Variants in EPHA4 observed in about 807,000 individuals in gnomAD.
EPHA4 encodes the protein EPH receptor A4, also known as ephrin type-A receptor 4.
In EPHA4, 19 loss-of-function variants were observed where a neutral mutation model predicts 108.3. That is an observed-to-expected ratio of 0.18 (90% CI 0.12 to 0.26). The LOEUF is 0.26. Among genes scored for constraint, EPHA4 ranks in the 10% least tolerant of loss-of-function variants. The pLI is 1.00. For missense variants in EPHA4, 917 were observed against 1,254.0 expected (o/e 0.73, Z 4.06); for synonymous variants, 449 against 455.5 (o/e 0.99, Z 0.18).
At chr2:221,509,773 T>C (rs1692769992) in intron 3 of EPHA4, among the ~76,000 whole-genome samples, 2 of 152,092 alleles carry the variant, frequency 1.3e-5, no homozygotes. Flanking sequence ...TACAAACAAA[T>C]CAAAGGTGAT....
chr2:221,448,132 G>T (rs560941862), intron 8 of EPHA4, among the ~76,000 whole-genome samples: 1 of 151,716 alleles, frequency 6.6e-6, no homozygotes. Context: ...ATGAACCACC[G>T]CACCCAGCCA....
At chr2:221,513,982 G>A (rs894730691) in intron 3 of EPHA4, among the ~76,000 whole-genome samples, 2 of 152,066 alleles carry the variant, frequency 1.3e-5, no homozygotes, top group Non-Finnish European at 2.9e-5. Flanking sequence ...AAAGATGAGA[G>A]CCCCAAAAGC....
intron 8 of EPHA4, among the ~76,000 whole-genome samples, chr2:221,446,898 G>T (rs1690610201): frequency 6.6e-6 from 1 of 152,200 alleles, no homozygotes; most frequent in Non-Finnish European, 1.5e-5. Flanking sequence ...GTAAAATGGT[G>T]CATTGTCTTA....
At chr2:221,503,238 TG>T (rs1483403145) in intron 3 of EPHA4, among the ~76,000 whole-genome samples, 1 of 152,194 alleles carries the variant, frequency 6.6e-6, no homozygotes, top group Non-Finnish European at 1.5e-5. Context: ...TGCAGAAAAC[TG>T]CATATTACTG....
intron 3 of EPHA4, among the ~76,000 whole-genome samples, chr2:221,530,115 A>C (rs1250376316): frequency 2.0e-5 from 3 of 152,168 alleles, no homozygotes; most frequent in African/African-American, 7.2e-5. Context: ...ATTTGAAAAA[A>C]GGAACATTGT....
intron 3 of EPHA4, among the ~76,000 whole-genome samples, chr2:221,530,669 G>T (rs1168504068): frequency 6.6e-6 from 1 of 152,160 alleles, no homozygotes; most frequent in African/African-American, 2.4e-5. Flanking sequence ...GAGGGCTGAG[G>T]GCTTTGGGTA....
upstream of EPHA4, chr2:221,574,009 T>C (rs976063824): frequency 2.0e-5 from 3 of 152,130 alleles, no homozygotes; most frequent in Non-Finnish European, 4.4e-5. Context: ...GGATCCTAAA[T>C]AAAGCGGGAG....
intron 9 of EPHA4, among the ~76,000 whole-genome samples, chr2:221,444,978 G>A (rs1025230952): frequency 2.0e-5 from 3 of 151,724 alleles, no homozygotes; most frequent in East Asian, 1.9e-4. Context: ...GGCTGGTCTC[G>A]AACTCCAGAT....
intron 14 of EPHA4, among the ~76,000 whole-genome samples, chr2:221,432,014 C>G (rs554759931): frequency 3.3e-5 from 5 of 151,996 alleles, no homozygotes; most frequent in Non-Finnish European, 7.4e-5. Context: ...AACACAGAGA[C>G]AAATAATAGA....
chr2:221,473,090 C>T (rs3770155), intron 5 of EPHA4, among the ~76,000 whole-genome samples: 90,920 of 151,874 alleles, frequency 0.6, 27,878 homozygotes, highest in African/African-American at 0.73. Flanking sequence ...ACTAGGCAAG[C>T]GACCACACTG....
upstream of EPHA4, chr2:221,574,117 C>A (rs1574673471): frequency 6.6e-6 from 1 of 152,294 alleles, no homozygotes; most frequent in East Asian, 1.9e-4. Flanking sequence ...TCCCGTGGCT[C>A]GAGAGCTGCG....
intron 3 of EPHA4, 199 bp from the exon 4 acceptor site, chr2:221,501,371 G>A (rs10186003): frequency 0.038 from 16,972 of 444,670 alleles, 460 homozygotes; most frequent in Non-Finnish European, 0.05. Context: ...TAACATTCCT[G>A]GTCAGGTGTC....
At chr2:221,539,488 T>G (rs549509535) in intron 3 of EPHA4, among the ~76,000 whole-genome samples, 1 of 152,074 alleles carries the variant, frequency 6.6e-6, no homozygotes, top group Non-Finnish European at 1.5e-5. Context: ...TGTAGAACCT[T>G]GTGGAATGTG....
intron 4 of EPHA4, among the ~76,000 whole-genome samples, chr2:221,499,716 A>T (rs574726821): frequency 1.5e-3 from 61 of 41,206 alleles, no homozygotes; most frequent in South Asian, 4.5e-3. Flanking sequence ...ACTAAAACTA[A>T]TATATATATA....
At chr2:221,470,960 C>G (rs1373420023) in intron 5 of EPHA4, among the ~76,000 whole-genome samples, 1 of 151,954 alleles carries the variant, frequency 6.6e-6, no homozygotes, top group Non-Finnish European at 1.5e-5. Flanking sequence ...AATCTGTAAC[C>G]CTAGAATTGT....
chr2:221,537,154 C>CA (rs996841597), intron 3 of EPHA4, among the ~76,000 whole-genome samples: 31 of 152,038 alleles, frequency 2.0e-4, no homozygotes, highest in Admixed American at 1.8e-3. Flanking sequence ...GAGAGTCCTG[C>CA]AAAAAACAAG....
chr2:221,421,026 C>T (rs995496089), intron 17 of EPHA4, among the ~76,000 whole-genome samples: 2 of 152,152 alleles, frequency 1.3e-5, no homozygotes, highest in East Asian at 1.9e-4. Flanking sequence ...GGGCCGGGCG[C>T]GGTGGCTCAC....
At chr2:221,570,905 GGATA>G (rs1450042233) in intron 1 of EPHA4, among the ~76,000 whole-genome samples, 2 of 151,970 alleles carry the variant, frequency 1.3e-5, no homozygotes, top group Admixed American at 6.6e-5. Context: ...ATGCATGGAT[GGATA>G]GATAGACGGA....
intron 8 of EPHA4, 115 bp downstream of exon 8, chr2:221,455,432 G>A (rs777928260): frequency 1.3e-6 from 1 of 757,330 alleles, no homozygotes; most frequent in Non-Finnish European, 2.2e-6. Context: ...AACTTGGGAT[G>A]CAGATGCCAA....
Sources: gnomAD v4.1 joint callset for allele counts (sites outside exome capture counted in the v4.1 genomes callset) on GRCh38, gnomAD v4.1.1 for gene constraint, MANE v1.5 for transcripts, NCBI Gene and HGNC (gene_info 2026-07-23, HGNC 2026-07-21) for gene names.